Variants in EVC observed in about 807,000 individuals in gnomAD.
The protein encoded by EVC is EvC ciliary complex subunit 1, also known as evC complex member EVC.
EVC carries 116 observed loss-of-function variants against 118.9 expected under a neutral mutation model. The ratio of observed to expected loss-of-function variants is 0.98; its 90% CI spans 0.84 to 1.14. EVC has a LOEUF of 1.14. Ranked by LOEUF, EVC falls within the 50% of genes most tolerant of loss-of-function variation. The probability of loss-of-function intolerance (pLI) is 0.00; values close to 1 mark genes in which losing one functional copy is unlikely to be tolerated. For missense variants in EVC, 1,401 were observed against 1,246.4 expected (o/e 1.12, Z -1.87); for synonymous variants, 619 against 534.7 (o/e 1.16, Z -2.18).
At position 5,743,329 on chromosome 4, in the gene EVC, A is replaced by G. The variant is rs886670475; in HGVS notation, c.801+1515A>G. On this transcript the variant is annotated intron_variant, in intron 6 of 20. Coordinates refer to ENST00000264956, the MANE Select transcript of EVC (RefSeq NM_153717.3). This position sits in a 1 kb window ranked among gnomAD's most constrained non-coding sequence, Gnocchi z 4.7. The stretch of plus-strand genomic sequence containing the variant: ...TCTCCTACCTCACCTTATCCTCACC[A>G]TCATTGTCATCATTATTCTCGTTAC... 1.3e-5 allele frequency among the ~76,000 whole-genome samples: 2 copies of G among 152,088 alleles called. No homozygotes were observed. The highest frequency in any genetic ancestry group is 4.8e-5 in the African/African-American group (2 of 41,416).
intron 11 of EVC, among the ~76,000 whole-genome samples, chr4:5,775,039 C>T (rs1734512196): frequency 6.6e-6 from 1 of 152,084 alleles, no homozygotes; most frequent in Admixed American, 6.6e-5. Context: ...ACAAAGCTAA[C>T]CCTTCTCTAA....
In EVC at chr4:5,747,295, A is replaced by G. The variant is rs117231037; in HGVS notation, c.940-853A>G. Among the ~76,000 whole-genome samples the G allele has an allele frequency of 1.6e-4, 24 of 152,250 alleles. No individual in the cohort carries two copies. The East Asian group carries it at 3.9e-3, about 25-fold the overall frequency. ...CTAACCCCTGCCCCCTCCCATGCCC[A>G]GTCCAGCCAGAAGTGTCCATTTCAG... On this transcript the variant is annotated intron_variant, in intron 7 of 20. Coordinates refer to ENST00000264956, the MANE Select transcript of EVC (RefSeq NM_153717.3).
At chr4:5,783,460 G>GGGAGGCTT in intron 11 of EVC, 92 bp from the exon 12 acceptor site, 1 of 1,215,756 alleles carries the variant, frequency 8.2e-7, no homozygotes, top group Non-Finnish European at 1.2e-6. Context: ...TGTGTCTTGT[G>GGGAGGCTT]GGAGGCTTGT....
At chr4:5,721,048 T>G (rs1457678889) in intron 2 of EVC, among the ~76,000 whole-genome samples, 2 of 152,176 alleles carry the variant, frequency 1.3e-5, no homozygotes, top group Non-Finnish European at 2.9e-5. Flanking sequence ...TGGGTCTTTC[T>G]GTGTGCATCT....
At chr4:5,818,047 T>G (rs913205662), downstream of EVC, among the ~76,000 whole-genome samples, 1 of 152,116 alleles carries the variant, frequency 6.6e-6, no homozygotes, top group Non-Finnish European at 1.5e-5. Context: ...CTCCCATAAT[T>G]CCGTGATGTG....
At chr4:5,733,315 C>G (rs1367287043) in intron 4 of EVC, 36 bp from the exon 5 acceptor site, 1 of 1,567,248 alleles carries the variant, frequency 6.4e-7, no homozygotes, top group South Asian at 1.1e-5. Context: ...TTCCGATACC[C>G]TGAAAGTCTT....
chr4:5,773,589 G>A lies in EVC; in HGVS notation c.1564-9963G>A, dbSNP rs142609411. ...AAGTTATGTGGCAAGGGGTGTGGGTGCCGGGAGAGAGACTGGGAGGCGGTG... is the reference window on the plus strand; with the variant it reads ...AAGTTATGTGGCAAGGGGTGTGGGTACCGGGAGAGAGACTGGGAGGCGGTG... On this transcript the variant is annotated intron_variant, in intron 11 of 20. Transcript: ENST00000264956. Among the ~76,000 whole-genome samples, 698 of 152,252 alleles carry A rather than the reference G, an allele frequency of 4.6e-3. 8 individuals are homozygous for A. The highest frequency in any genetic ancestry group is 0.016 in the African/African-American group (652 of 41,522).
chr4:5,780,941 A>C (rs111865546), intron 11 of EVC, among the ~76,000 whole-genome samples: 1 of 152,236 alleles, frequency 6.6e-6, no homozygotes, highest in Admixed American at 6.5e-5. Flanking sequence ...CACAGGATGC[A>C]CTTAATTCAC....
intron 11 of EVC, among the ~76,000 whole-genome samples, chr4:5,761,195 G>A (rs1000568459): frequency 6.6e-6 from 1 of 152,044 alleles, no homozygotes; most frequent in African/African-American, 2.4e-5. Context: ...GAGGAGAGCA[G>A]GTCCAAGGCC....
intron 3 of EVC, among the ~76,000 whole-genome samples, chr4:5,730,833 G>T (rs1258329153): frequency 3.3e-5 from 5 of 152,230 alleles, no homozygotes; most frequent in East Asian, 1.9e-4. Context: ...ACTGTGGCTC[G>T]GGCAGCCAGA....
intron 5 of EVC, among the ~76,000 whole-genome samples, chr4:5,733,809 A>G (rs901111743): frequency 2.0e-5 from 3 of 152,228 alleles, no homozygotes; most frequent in Non-Finnish European, 4.4e-5. Flanking sequence ...GAGTCTTGCT[A>G]TGTACGAGGT....
Position 5,733,412 on chromosome 4 carries a change from G to A in EVC, c.679G>A (p.Ala227Thr). Residue 227 changes from alanine (A) to threonine (T), a missense_variant, in exon 5 of 21, where the codon GCA becomes ACA. Coordinates refer to ENST00000264956, the MANE Select transcript of EVC (RefSeq NM_153717.3). The part of the protein sequence containing the change: ...HLKDLLHLDT[A>T]LRQEKHMMFI... ...AAAAGACCTGCTGCATTTGGACACG[G>A]CACTGAGGCAGGAAAAGCATATGGT... 6.2e-7 allele frequency: 1 copy of A among 1,614,018 alleles called. No individual in the cohort carries two copies. The highest frequency in any genetic ancestry group is 8.5e-7 in the Non-Finnish European group (1 of 1,179,938).
intron 12 of EVC, among the ~76,000 whole-genome samples, chr4:5,785,604 A>C (rs981430111): frequency 2.6e-5 from 4 of 152,198 alleles, no homozygotes; most frequent in African/African-American, 7.2e-5. Flanking sequence ...GTCCTCTGTC[A>C]GTGGCATCCG....
intron 11 of EVC, among the ~76,000 whole-genome samples, chr4:5,766,666 G>A (rs1273081399): frequency 2.1e-4 from 29 of 137,414 alleles, no homozygotes; most frequent in South Asian, 1.6e-3. Context: ...ATCTTCCATC[G>A]CTGATACCCT....
intron 8 of EVC, 177 bp from the exon 9 acceptor site, chr4:5,752,658 CG>C (rs1553875519): frequency 7.1e-6 from 5 of 707,276 alleles, no homozygotes; most frequent in Non-Finnish European, 1.0e-5. Context: ...ATCCCCACCT[CG>C]GGGGCAGACG....
rs576991548 is a variant in EVC, at chr4:5,784,222, G to A, written c.1776+458G>A. Among the ~76,000 whole-genome samples the A allele has an allele frequency of 2.6e-5, 4 of 152,288 alleles. No homozygotes were observed. In the South Asian group the frequency reaches 6.2e-4, roughly 24 times the overall value. On this transcript the variant is annotated intron_variant, in intron 12 of 20. Coordinates refer to ENST00000264956, the MANE Select transcript of EVC (RefSeq NM_153717.3). Reference sequence around the variant, plus strand: ...TTCCCTTACAGGGCAAAAGGCAGGTGCGGTTGAGTGAAGGACTTTGAGGTA... The same window carrying A: ...TTCCCTTACAGGGCAAAAGGCAGGTACGGTTGAGTGAAGGACTTTGAGGTA...
chr4:5,806,247 T>A (rs1255978249), intron 17 of EVC, among the ~76,000 whole-genome samples: 1 of 151,708 alleles, frequency 6.6e-6, no homozygotes, highest in Non-Finnish European at 1.5e-5. Flanking sequence ...GCCCAGCTAA[T>A]TTTTTTGTAT....
chr4:5,732,265 C>G (rs1726949366), intron 4 of EVC, among the ~76,000 whole-genome samples: 1 of 115,230 alleles, frequency 8.7e-6, no homozygotes, highest in Admixed American at 1.1e-4. Context: ...GGCGGGTTCA[C>G]ACACCAGGCC....
chr4:5,760,202 T>G (rs1731795203), intron 11 of EVC, among the ~76,000 whole-genome samples: 1 of 152,036 alleles, frequency 6.6e-6, no homozygotes, highest in South Asian at 2.1e-4. Context: ...GGGCCCAATA[T>G]ATTTTCCTTT....
Sources: gnomAD v4.1 joint callset for allele counts (sites outside exome capture counted in the v4.1 genomes callset) on GRCh38, gnomAD v4.1.1 for gene constraint, Gnocchi (gnomAD v3.1) non-coding constraint, MANE v1.5 for transcripts, NCBI Gene and HGNC (gene_info 2026-07-23, HGNC 2026-07-21) for gene names.